The following ZNF469 variants were observed in gnomAD, a reference collection of about 807,000 sequenced individuals.
ZNF469 encodes zinc finger protein 469.
ZNF469 carries 1 observed loss-of-function variant against 1.0 expected under a neutral mutation model. The ratio of observed to expected loss-of-function variants is 1.00; its 90% CI spans 0.35 to 4.73. The LOEUF (loss-of-function observed/expected upper bound fraction) is 4.73, where lower values mean the gene tolerates loss of function less well. Ranked by LOEUF, ZNF469 falls within the 30% of genes most tolerant of loss-of-function variation. ZNF469 has a pLI of 0.16. For missense variants in ZNF469, 6,100 were observed against 5,356.3 expected, an observed-to-expected ratio of 1.14 and a Z score of -4.33; for synonymous variants, 2,703 against 2,363.4, an observed-to-expected ratio of 1.14 and a Z score of -4.17.
the ZNF469 span, among the ~76,000 whole-genome samples, chr16:88,365,635 C>T: frequency 1.3e-5 from 2 of 152,190 alleles, no homozygotes; most frequent in Admixed American, 6.5e-5. Flanking sequence ...CTCAGCTGGT[C>T]CATTTGGGCT....
the ZNF469 span, among the ~76,000 whole-genome samples, chr16:88,347,636 C>T: frequency 6.6e-6 from 1 of 152,242 alleles, no homozygotes; most frequent in Non-Finnish European, 1.5e-5. Context: ...ATCTGCCCCA[C>T]ATCCACCCCG....
At chr16:88,122,563 GTCAC>G in the ZNF469 span, among the ~76,000 whole-genome samples, 3 of 152,122 alleles carry the variant, frequency 2.0e-5, no homozygotes, top group African/African-American at 7.2e-5. Context: ...ATGGCACTCT[GTCAC>G]TCACTACGGC....
the ZNF469 span, among the ~76,000 whole-genome samples, chr16:88,249,429 C>CTTTTTTTTTTTT: frequency 9.4e-5 from 6 of 63,630 alleles, no homozygotes; most frequent in African/African-American, 2.5e-4. Context: ...TTTTCTTTTT[C>CTTTTTTTTTTTT]TTTTTTTTTT....
chr16:88,280,433 G>A, the ZNF469 span, among the ~76,000 whole-genome samples: 1 of 152,008 alleles, frequency 6.6e-6, no homozygotes, highest in East Asian at 1.9e-4. Flanking sequence ...GGTTAGTGCT[G>A]TGCCACACCA....
At chr16:88,218,408 T>C in the ZNF469 span, among the ~76,000 whole-genome samples, 1 of 150,814 alleles carries the variant, frequency 6.6e-6, no homozygotes, top group East Asian at 1.9e-4. Context: ...TTCACTCTGA[T>C]GGTAGTTTCT....
At chr16:88,233,018 C>T in the ZNF469 span, among the ~76,000 whole-genome samples, 8 of 152,306 alleles carry the variant, frequency 5.3e-5, no homozygotes, top group South Asian at 4.2e-4. Context: ...CTTCCTCCTC[C>T]GCCAGATCCT....
chr16:88,200,961 G>C, the ZNF469 span, among the ~76,000 whole-genome samples: 1 of 152,224 alleles, frequency 6.6e-6, no homozygotes, highest in African/African-American at 2.4e-5. Context: ...CCTGCAGCAG[G>C]CCCCACTGTG....
Position 88,424,573 on chromosome 16 carries a change from G to A in ZNF469, c.-191-234G>A, listed in dbSNP as rs1054526880. Among the ~76,000 whole-genome samples the A allele has an allele frequency of 1.3e-5, 2 of 152,166 alleles. No individual in the cohort carries two copies. The highest frequency in any genetic ancestry group is 4.8e-5 in the African/African-American group (2 of 41,430). On this transcript the variant is annotated intron_variant, in intron 1 of 2. Transcript: ENST00000565624. This position sits in a 1 kb window ranked among gnomAD's most constrained non-coding sequence, Gnocchi z 4.3. Reference sequence around the variant, plus strand: ...TAAGATAGCCGTCAAAGCTGCAGCTGAGGCAGCCAGGTGACCCCTAAACCC... The same window carrying A: ...TAAGATAGCCGTCAAAGCTGCAGCTAAGGCAGCCAGGTGACCCCTAAACCC...
the ZNF469 span, among the ~76,000 whole-genome samples, chr16:88,181,195 C>G: frequency 6.6e-6 from 1 of 152,098 alleles, no homozygotes; most frequent in Non-Finnish European, 1.5e-5. Flanking sequence ...CTCAGCCTCC[C>G]GAATAGCTGG....
rs1282985863 is a variant in ZNF469, at chr16:88,431,569, C to G, written c.4099C>G (p.Pro1367Ala). ...TTTTAACAGAGACCCCTTGGGGGTT[C>G]CAGTTGCCAAAAAGGGGCCTCAGCC... is the stretch of plus-strand genomic sequence containing the variant. ...AGFNRDPLGV[P>A]VAKKGPQPYS... Residue 1367 changes from proline (P) to alanine (A), a missense_variant, in exon 3 of 3, where the codon CCA (proline) becomes GCA (alanine). Transcript: ENST00000565624. The G allele has an allele frequency of 6.5e-7, 1 of 1,550,322 alleles. No homozygotes were observed. Among genetic ancestry groups the G allele is most frequent in the African/African-American group, 1.4e-5 (1 of 73,062 alleles).
the ZNF469 span, among the ~76,000 whole-genome samples, chr16:88,153,837 G>T: frequency 4.6e-5 from 7 of 152,212 alleles, no homozygotes; most frequent in Non-Finnish European, 8.8e-5. Context: ...GGTAGAATGA[G>T]AGTGAGAGAG....
chr16:88,165,272 C>G, the ZNF469 span, among the ~76,000 whole-genome samples: 1 of 152,270 alleles, frequency 6.6e-6, no homozygotes, highest in Non-Finnish European at 1.5e-5. Context: ...GTGCTGCCTT[C>G]CCTGGCTCCC....
In ZNF469 at chr16:88,428,277, G is replaced by A. The variant is rs1186946829; in HGVS notation, c.807G>A (p.Arg269=). ...GCAGCAGGCCCGGCGGCAGCCCCAG[G>A]GGAGTTTCCTTCCAGTTCCCCTTCC... The part of the protein sequence containing the change: ...PKGSRPGGSP[R]GVSFQFPFPA... Residue 269 remains arginine (R), a synonymous_variant, in exon 3 of 3, where the codon AGG becomes AGA. Coordinates refer to ENST00000565624, the MANE Select transcript of ZNF469 (RefSeq NM_001367624.2). 2 of 1,550,388 alleles carry A rather than the reference G, an allele frequency of 1.3e-6. No individual in the cohort carries two copies. The highest frequency in any genetic ancestry group is 2.4e-5 in the South Asian group (2 of 84,068).
chr16:88,336,618 G>A, the ZNF469 span, among the ~76,000 whole-genome samples: 7 of 151,600 alleles, frequency 4.6e-5, no homozygotes, highest in East Asian at 1.9e-4. Context: ...CATCCTTCAC[G>A]TGAGACACTA....
chr16:88,344,650 C>T, the ZNF469 span, among the ~76,000 whole-genome samples: 1 of 152,178 alleles, frequency 6.6e-6, no homozygotes, highest in Admixed American at 6.5e-5. Flanking sequence ...GGTGCCCGGG[C>T]CCTCTCTGGG....
the ZNF469 span, among the ~76,000 whole-genome samples, chr16:88,139,636 T>C: frequency 6.6e-6 from 1 of 150,872 alleles, no homozygotes; most frequent in Non-Finnish European, 1.5e-5. Flanking sequence ...CTGAAACCTT[T>C]TTGTCCCCTG....
Position 88,431,664 on chromosome 16 carries a change from G to A in ZNF469, c.4194G>A (p.Leu1398=), listed in dbSNP as rs1366872599. 1.3e-6 allele frequency: 2 copies of A among 1,550,410 alleles called. No homozygotes were observed. The highest frequency in any genetic ancestry group is 1.2e-5 in the South Asian group (1 of 84,056). ...KDLAGCFLEE[L]HPKPSARDAP... ...TGGCTGGCTGTTTCCTGGAAGAACT[G>A]CACCCCAAGCCCTCAGCCAGGGATG... The change falls in exon 3 of 3, where the codon CTG becomes CTA. Residue 1398 remains leucine, a synonymous_variant. Coordinates refer to ENST00000565624, the MANE Select transcript of ZNF469 (RefSeq NM_001367624.2).
the ZNF469 span, among the ~76,000 whole-genome samples, chr16:88,307,543 G>T: frequency 3.3e-5 from 5 of 152,152 alleles, no homozygotes; most frequent in Admixed American, 3.3e-4. Flanking sequence ...CAAGCTCCTG[G>T]GTGTGAAGTG....
the ZNF469 span, among the ~76,000 whole-genome samples, chr16:88,327,615 G>A: frequency 1.3e-5 from 2 of 152,076 alleles, no homozygotes; most frequent in East Asian, 1.9e-4. Flanking sequence ...CACGTGCTCC[G>A]TACCTCAGGG....
Sources: allele counts gnomAD v4.1 joint callset (sites outside exome capture counted in the v4.1 genomes callset), GRCh38; gene constraint gnomAD v4.1.1; non-coding constraint Gnocchi (gnomAD v3.1); transcripts MANE v1.5; gene names NCBI Gene and HGNC (gene_info 2026-07-23, HGNC 2026-07-21).